GAS6: variants seen among roughly 807,000 people sequenced by gnomAD.
GAS6 encodes growth arrest specific 6.
A neutral mutation model predicts 75.8 loss-of-function variants in GAS6; 41 were observed. The observed-to-expected ratio is 0.54, with a 90% confidence interval of 0.42 to 0.70. GAS6 has a LOEUF of 0.70. GAS6 is among the 30% of genes least tolerant of loss of function. GAS6 has a pLI of 0.00. For synonymous variants in GAS6, 432 were observed against 412.6 expected, an observed-to-expected ratio of 1.05 and a Z score of -0.57; for missense variants, 854 against 940.2, an observed-to-expected ratio of 0.91 and a Z score of 1.20.
chr13:113,864,029 CGCG>C lies in GAS6; in HGVS notation c.-112_-110del, dbSNP rs565797652. ...GTCCTGGCGGCCCTGAAGGTCACAT[CGCG>C]GCGGCGGCGGCGGCGGCGGCTGCGG... On this transcript the variant is annotated 5_prime_UTR_variant, in exon 1 of 15. Transcript: ENST00000327773. 2,002 of 998,546 alleles carry C rather than the reference CGCG, an allele frequency of 2.0e-3. No homozygotes were observed. Among genetic ancestry groups the C allele is most frequent in the Middle Eastern group, 3.4e-3 (7 of 2,034 alleles). The allele number at this position is 998,546 out of a possible 1,614,324, so 61.9% of individuals were successfully genotyped here.
intron 10 of GAS6, among the ~76,000 whole-genome samples, chr13:113,829,309 G>A (rs112105633): frequency 1.6e-5 from 1 of 61,972 alleles, no homozygotes; most frequent in Non-Finnish European, 2.8e-5. Context: ...TCACCTGGGC[G>A]AAGAGGGTCC....
chr13:113,863,549 C>T lies in GAS6; in HGVS notation c.255+26G>A. 1 of 1,497,434 alleles carries T rather than the reference C, an allele frequency of 6.7e-7. No homozygotes were observed. The highest frequency in any genetic ancestry group is 8.9e-7 in the Non-Finnish European group (1 of 1,128,590). 92.8% of individuals were successfully genotyped at this position (1,497,434 alleles called of 1,614,324 possible). A position where few individuals can be genotyped will look rare whatever the true frequency, so the allele number is the denominator to read the frequency against. On this transcript the variant is annotated intron_variant, in intron 2 of 14. Transcript: ENST00000327773. This position sits in a 1 kb window ranked among gnomAD's most constrained non-coding sequence, Gnocchi z 9.4. ...AGGCGCGCGGGCGCCAGGGGTTCCCCCGCATCCCGCCCGCCGGCTGCTCAC... is the reference window on the plus strand; with the variant it reads ...AGGCGCGCGGGCGCCAGGGGTTCCCTCGCATCCCGCCCGCCGGCTGCTCAC...
At position 113,854,925 on chromosome 13, in the gene GAS6, C is replaced by T. The variant is rs1013530085; in HGVS notation, c.256-6875G>A. On this transcript the variant is annotated intron_variant, in intron 2 of 14. Transcript: ENST00000327773. ...GGCCAGTCTGTGGGGGAGCAGAGGGCGGGGAGGAGGAAGGAAGAGGGTTCC... is the reference window on the plus strand; with the variant it reads ...GGCCAGTCTGTGGGGGAGCAGAGGGTGGGGAGGAGGAAGGAAGAGGGTTCC... Among the ~76,000 whole-genome samples the T allele has an allele frequency of 6.6e-5, 10 of 152,260 alleles. No individual in the cohort carries two copies. In the East Asian group the frequency reaches 1.2e-3, roughly 18 times the overall value.
rs376321870 is a variant in GAS6 at position 113,826,967 on chromosome 13, C to T, written c.1477+29G>A. The T allele has an allele frequency of 6.3e-6, 10 of 1,598,482 alleles. No individual in the cohort carries two copies. The African/African-American group carries it at 1.2e-4, about 19-fold the overall frequency. ...TGCCTGTCTGAAGGTGCAGCCACAG[C>T]CACCCCAACGGTAAGAGCCAAGACT... On this transcript the variant is annotated intron_variant, in intron 12 of 14. Transcript: ENST00000327773.
rs141718875 is a variant in GAS6, at chr13:113,851,484, CATGAATGA to C, written c.256-3442_256-3435del. ...ATGAGAGTGAGTAGATAGATGAATA[CATGAATGA>C]ATGAATAGGTGGGTGGGTGAGTGGG... On this transcript the variant is annotated intron_variant, in intron 2 of 14. Transcript: ENST00000327773. Among the ~76,000 whole-genome samples the C allele has an allele frequency of 2.8e-5, 4 of 144,398 alleles. 1 individual carries two copies. The highest frequency in any genetic ancestry group is 4.4e-4 in the South Asian group (2 of 4,536). 94.7% of individuals were successfully genotyped at this position (144,398 alleles called of 152,430 possible).
chr13:113,821,547 G>A (rs2051458586), intron 14 of GAS6: 2 of 236,138 alleles, frequency 8.5e-6, no homozygotes, highest in Non-Finnish European at 1.7e-5. Flanking sequence ...ACGGCAGGAC[G>A]CCCTGCTGGA....
chr13:113,858,705 A>T (rs1038524929), intron 2 of GAS6, among the ~76,000 whole-genome samples: 1 of 150,680 alleles, frequency 6.6e-6, no homozygotes, highest in Non-Finnish European at 1.5e-5. Context: ...GTGACTGTGT[A>T]TGTACATCTA....
intron 8 of GAS6, among the ~76,000 whole-genome samples, 199 bp downstream of exon 8, chr13:113,834,352 C>T (rs1250198294): frequency 1.3e-5 from 2 of 152,248 alleles, no homozygotes; most frequent in African/African-American, 4.8e-5. Context: ...CTGGGAGTTG[C>T]CATAGAGACT....
In GAS6 at chr13:113,822,066, C is replaced by T. The variant is rs781534168; in HGVS notation, c.1774G>A (p.Gly592Ser). The T allele has an allele frequency of 1.6e-5, 25 of 1,590,062 alleles. No individual in the cohort carries two copies. The highest frequency in any genetic ancestry group is 1.8e-4 in the Middle Eastern group (1 of 5,680). The change falls in exon 14 of 15, where the codon GGC becomes AGC. Residue 592 changes from glycine to serine, a missense_variant. Physicochemically the swap from Gly to Ser is moderately conservative, Grantham distance 56. Transcript: ENST00000327773. ...CTCACCTCGCTCTGGCCCCTGGTGC[C>T]GTCCACCTCCAGGGTGGCCTCACCG... The part of the protein sequence containing the change: ...RDGEATLEVD[G>S]TRGQSEVSAA...
At chr13:113,847,468 T>C (rs1232217519) in intron 3 of GAS6, among the ~76,000 whole-genome samples, 1 of 152,248 alleles carries the variant, frequency 6.6e-6, no homozygotes. Flanking sequence ...CCGGGGTCTC[T>C]GGGTTTCACT....
In GAS6 at chr13:113,848,063, AAAAAG is replaced by A; in HGVS notation, c.256-18_256-14del. The A allele has an allele frequency of 1.9e-6, 3 of 1,612,818 alleles. No homozygotes were observed. Among genetic ancestry groups the A allele is most frequent in the Non-Finnish European group, 2.5e-6 (3 of 1,179,560 alleles). Reference sequence around the variant, plus strand: ...GGTAAAAATAATCCTGTGGAAAAAGAAAAAGAAAAGGCAAGCATTGACCGGCACAC... The same window carrying A: ...GGTAAAAATAATCCTGTGGAAAAAGAAAAAGGCAAGCATTGACCGGCACAC... On this transcript the variant is annotated splice_polypyrimidine_tract_variant and intron_variant, in intron 2 of 14. Coordinates refer to ENST00000327773, the MANE Select transcript of GAS6 (RefSeq NM_000820.4). This position sits in a 1 kb window ranked among gnomAD's most constrained non-coding sequence, Gnocchi z 4.8.
At chr13:113,855,308 G>T (rs1457631657) in intron 2 of GAS6, among the ~76,000 whole-genome samples, 1 of 152,162 alleles carries the variant, frequency 6.6e-6, no homozygotes, top group Non-Finnish European at 1.5e-5. Flanking sequence ...TTCCATCAGA[G>T]TCTTCCCCAC....
In GAS6 at chr13:113,863,640, C is replaced by A. The variant is rs2051991484; in HGVS notation, c.190G>T (p.Glu64Ter). 1 of 1,526,838 alleles carries A rather than the reference C, an allele frequency of 6.5e-7. No individual in the cohort carries two copies. 94.6% of individuals were successfully genotyped at this position (1,526,838 alleles called of 1,614,324 possible). Residue 64 changes from glutamate to a stop codon, truncating the protein, a stop_gained, in exon 2 of 15, where the codon GAG becomes TAG. Coordinates refer to ENST00000327773, the MANE Select transcript of GAS6 (RefSeq NM_000820.4). LOFTEE classifies it high-confidence loss of function. The surrounding 1 kb of genome is among the most constrained non-coding windows in gnomAD (Gnocchi z 9.4). Reference protein sequence around the residue: ...EEAKQGHLERECVEELCSREE... With the variant: ...EEAKQGHLER ...CGGCTGCACAGCTCCTCCACGCACT[C>A]CCTCTCCAGGTGGCCCTGCTTGGCC... is the stretch of plus-strand genomic sequence containing the variant.
intron 3 of GAS6, chr13:113,847,134 G>A (rs1299709784): frequency 3.0e-5 from 10 of 334,458 alleles, no homozygotes; most frequent in African/African-American, 6.6e-5. Flanking sequence ...GGGGCCTCTC[G>A]ACCTGGCCCT....
At chr13:113,847,792 T>A in intron 3 of GAS6, 1 of 562,274 alleles carries the variant, frequency 1.8e-6, no homozygotes, top group Non-Finnish European at 3.2e-6. Flanking sequence ...GAGAAGGGGT[T>A]TGCAGATAAC....
intron 3 of GAS6, chr13:113,847,148 G>A: frequency 3.1e-6 from 1 of 321,580 alleles, no homozygotes; most frequent in South Asian, 2.4e-5. Context: ...TGGCCCTTCA[G>A]TGGGTTACTG....
At chr13:113,821,503 G>C (rs113391820) in intron 14 of GAS6, 1 of 227,472 alleles carries the variant, frequency 4.4e-6, no homozygotes, top group Non-Finnish European at 8.7e-6. Flanking sequence ...GGACATCCCC[G>C]GTCCCAGCCT....
chr13:113,826,993 T>TA lies in GAS6; in HGVS notation c.1477+2dup. The TA allele has an allele frequency of 6.2e-7, 1 of 1,612,186 alleles. No individual in the cohort carries two copies. Among genetic ancestry groups the TA allele is most frequent in the East Asian group, 2.2e-5 (1 of 44,836 alleles). On this transcript the variant is annotated splice_region_variant and intron_variant, in intron 12 of 14. Transcript: ENST00000327773. ...CACCCCAACGGTAAGAGCCAAGACTTACTGTAGTCCAGGCTGTAGAAGGCG... is the reference window on the plus strand; with the variant it reads ...CACCCCAACGGTAAGAGCCAAGACTTAACTGTAGTCCAGGCTGTAGAAGGCG...
At chr13:113,847,059 G>A (rs1201478751) in intron 3 of GAS6, 2 of 500,262 alleles carry the variant, frequency 4.0e-6, no homozygotes, top group African/African-American at 1.9e-5. Context: ...GCGGCGGGGG[G>A]AGGCGAGGCC....
Sources: gnomAD v4.1 joint callset for allele counts (sites outside exome capture counted in the v4.1 genomes callset) on GRCh38, gnomAD v4.1.1 for gene constraint, Gnocchi (gnomAD v3.1) non-coding constraint, MANE v1.5 for transcripts, NCBI Gene and HGNC (gene_info 2026-07-23, HGNC 2026-07-21) for gene names.